Variants in MGAT4C observed in about 807,000 individuals in gnomAD.
MGAT4C encodes the protein MGAT4 family member C.
A neutral mutation model predicts 40.1 loss-of-function variants in MGAT4C; 19 were observed. The observed-to-expected ratio is 0.47, with a 90% CI of 0.33 to 0.70. The LOEUF (loss-of-function observed/expected upper bound fraction) is 0.70, where lower values mean the gene tolerates loss of function less well. Ranked by LOEUF, MGAT4C falls within the 30% of genes least tolerant of loss-of-function variation. The pLI, the probability that MGAT4C is intolerant of heterozygous loss-of-function variation, is 0.02. For missense variants in MGAT4C, 491 were observed against 563.2 expected (o/e 0.87, Z 1.30); for synonymous variants, 181 against 187.1 (o/e 0.97, Z 0.27).
intron 2 of MGAT4C, among the ~76,000 whole-genome samples, chr12:86,716,892 T>C (rs1227972594): frequency 2.1e-4 from 32 of 152,244 alleles, no homozygotes; most frequent in Admixed American, 2.1e-3. Context: ...GGGTATTCCC[T>C]GCCCTTGAAA....
At chr12:86,290,884 A>G (rs1953493808) in intron 4 of MGAT4C, among the ~76,000 whole-genome samples, 1 of 152,202 alleles carries the variant, frequency 6.6e-6, no homozygotes, top group Admixed American at 6.5e-5. Context: ...AGAGTATTAC[A>G]AGAAAGAGAT....
chr12:86,236,863 T>A (rs915122956), intron 1 of MGAT4C, among the ~76,000 whole-genome samples: 1 of 151,918 alleles, frequency 6.6e-6, no homozygotes, highest in African/African-American at 2.4e-5. Context: ...AATGTGATTA[T>A]CTTGGTAAAC....
chr12:86,599,622 C>T (rs991832830), intron 2 of MGAT4C: 1 of 152,000 alleles, frequency 6.6e-6, no homozygotes, highest in Admixed American at 6.6e-5. Flanking sequence ...TATCTGAGCT[C>T]ACAGCAGGGT....
At chr12:86,791,422 C>T (rs1479783928) in intron 1 of MGAT4C, among the ~76,000 whole-genome samples, 4 of 149,784 alleles carry the variant, frequency 2.7e-5, no homozygotes, top group African/African-American at 7.4e-5. Context: ...AAACATGCTG[C>T]TTTAAACTGT....
At chr12:86,780,118 A>AT (rs899539408) in intron 1 of MGAT4C, among the ~76,000 whole-genome samples, 10 of 152,078 alleles carry the variant, frequency 6.6e-5, no homozygotes, top group Non-Finnish European at 1.3e-4. Flanking sequence ...TTATAATCAC[A>AT]TTTTTTTAAA....
At chr12:86,172,335 T>A (rs1190630447) in intron 1 of MGAT4C, among the ~76,000 whole-genome samples, 1 of 152,304 alleles carries the variant, frequency 6.6e-6, no homozygotes, top group Admixed American at 6.5e-5. Context: ...GTCAAACTAA[T>A]ATACTGAAAA....
intron 1 of MGAT4C, among the ~76,000 whole-genome samples, chr12:86,240,448 T>G (rs1382473681): frequency 6.6e-6 from 1 of 152,066 alleles, no homozygotes; most frequent in Non-Finnish European, 1.5e-5. Context: ...CATTTGTGGG[T>G]TTTTAACAAC....
intron 3 of MGAT4C, among the ~76,000 whole-genome samples, chr12:86,343,656 T>C (rs1470383088): frequency 6.6e-6 from 1 of 152,168 alleles, no homozygotes; most frequent in Non-Finnish European, 1.5e-5. Flanking sequence ...TCCAGATACA[T>C]ACATGAAGAT....
At chr12:86,487,650 T>C (rs1439319160) in intron 2 of MGAT4C, among the ~76,000 whole-genome samples, 3 of 152,200 alleles carry the variant, frequency 2.0e-5, no homozygotes, top group Non-Finnish European at 4.4e-5. Flanking sequence ...ATTTACATAA[T>C]ATGTCATTTT....
intron 2 of MGAT4C, among the ~76,000 whole-genome samples, chr12:86,563,222 A>G (rs1315622355): frequency 6.6e-6 from 1 of 152,180 alleles, no homozygotes; most frequent in Non-Finnish European, 1.5e-5. Flanking sequence ...CAATTGGAAA[A>G]TTTAAATGCA....
rs1882771377 is a variant in MGAT4C at position 85,955,955 on chromosome 12, T to C, written c.*23334A>G. On this transcript the variant is annotated 3_prime_UTR_variant, in exon 5 of 5. Transcript: ENST00000611864. The stretch of plus-strand genomic sequence containing the variant: ...ACAAGGTTAGTGCAATTACACTTGT[T>C]AGGGCACAGAGAATATTGGTATTTT... 1 of 152,208 alleles carries C rather than the reference T, an allele frequency of 6.6e-6. No homozygotes were observed. The highest frequency in any genetic ancestry group is 1.5e-5 in the Non-Finnish European group (1 of 68,024). 9.4% of individuals were successfully genotyped at this position (152,208 alleles called of 1,614,324 possible). A position where few individuals can be genotyped will look rare whatever the true frequency, so the allele number is the denominator to read the frequency against.
intron 1 of MGAT4C, among the ~76,000 whole-genome samples, chr12:86,148,946 A>T (rs1174287764): frequency 1.3e-5 from 2 of 152,134 alleles, no homozygotes; most frequent in Non-Finnish European, 2.9e-5. Flanking sequence ...GTGCCCCCCT[A>T]TTCATTTTAT....
chr12:86,261,641 C>T (rs1219243055), intron 4 of MGAT4C, among the ~76,000 whole-genome samples: 3 of 152,012 alleles, frequency 2.0e-5, no homozygotes, highest in African/African-American at 7.2e-5. Context: ...ATATGCACAA[C>T]CAAGACCAAG....
chr12:86,150,282 G>T (rs1167624866), intron 1 of MGAT4C, among the ~76,000 whole-genome samples: 1 of 152,122 alleles, frequency 6.6e-6, no homozygotes, highest in Non-Finnish European at 1.5e-5. Flanking sequence ...AACAGGCCAG[G>T]GTACCAGTCC....
At chr12:86,720,761 T>A (rs188348769) in intron 2 of MGAT4C, among the ~76,000 whole-genome samples, 5 of 152,310 alleles carry the variant, frequency 3.3e-5, no homozygotes, top group African/African-American at 1.2e-4. Context: ...TCAACTGATA[T>A]AATAGCATGT....
intron 2 of MGAT4C, among the ~76,000 whole-genome samples, chr12:86,574,039 TAG>T (rs984724370): frequency 4.4e-4 from 67 of 151,990 alleles, no homozygotes; most frequent in African/African-American, 1.5e-3. Flanking sequence ...AACTATGCTT[TAG>T]AGATACTTTT....
In MGAT4C at chr12:86,580,655, TC is replaced by T. The variant is rs368261397; in HGVS notation, c.-228-145391del. On this transcript the variant is annotated intron_variant, in intron 2 of 7. Transcript: ENST00000548651. ...TATGTGATGGGTGTAATTAGCACTT[TC>T]TTCAAACCTTGCATCTTTTAATGTA... is the stretch of plus-strand genomic sequence containing the variant. Among the ~76,000 whole-genome samples the T allele has an allele frequency of 5.4e-3, 823 of 151,640 alleles. 4 individuals are homozygous for T. The highest frequency in any genetic ancestry group is 9.0e-3 in the Non-Finnish European group (611 of 67,650).
intron 2 of MGAT4C, among the ~76,000 whole-genome samples, chr12:86,642,912 T>A (rs1469518242): frequency 6.6e-6 from 1 of 151,662 alleles, no homozygotes; most frequent in East Asian, 1.9e-4. Flanking sequence ...CCTTCGTACA[T>A]GATTTCGGGG....
At chr12:86,757,047 T>A (rs1166641677) in intron 1 of MGAT4C, among the ~76,000 whole-genome samples, 2 of 152,126 alleles carry the variant, frequency 1.3e-5, no homozygotes, top group Admixed American at 1.3e-4. Context: ...AAAAAACTGA[T>A]GAGTTCAGGT....
Sources: gnomAD v4.1 joint callset for allele counts (sites outside exome capture counted in the v4.1 genomes callset) on GRCh38, gnomAD v4.1.1 for gene constraint, MANE v1.5 for transcripts, NCBI Gene and HGNC (gene_info 2026-07-23, HGNC 2026-07-21) for gene names.